ARHGAP24: variants seen among roughly 807,000 people sequenced by gnomAD.
The protein encoded by ARHGAP24 is rho GTPase-activating protein 24.
A neutral mutation model predicts 76.4 loss-of-function variants in ARHGAP24; 50 were observed. The ratio of observed to expected loss-of-function variants is 0.65; its 90% CI spans 0.52 to 0.83. The LOEUF (loss-of-function observed/expected upper bound fraction) is 0.83. Ranked by LOEUF, ARHGAP24 falls within the 40% of genes least tolerant of loss-of-function variation. The pLI is 0.00. For missense variants in ARHGAP24, 930 were observed against 914.2 expected, an observed-to-expected ratio of 1.02 and a Z score of -0.22; for synonymous variants, 345 against 323.3, an observed-to-expected ratio of 1.07 and a Z score of -0.72.
At chr4:85,889,792 C>T (rs1271693323) in intron 3 of ARHGAP24, among the ~76,000 whole-genome samples, 1 of 152,150 alleles carries the variant, frequency 6.6e-6, no homozygotes, top group Non-Finnish European at 1.5e-5. Flanking sequence ...CTATCATTTA[C>T]AGCTGATAGT....
intron 1 of ARHGAP24, among the ~76,000 whole-genome samples, chr4:85,510,891 G>A (rs942922791): frequency 1.4e-5 from 2 of 147,166 alleles, no homozygotes; most frequent in African/African-American, 5.0e-5. Context: ...TTGGAAAGGA[G>A]AACCCATGCC....
chr4:85,930,026 C>A (rs1311987613), intron 4 of ARHGAP24, among the ~76,000 whole-genome samples: 1 of 152,184 alleles, frequency 6.6e-6, no homozygotes, highest in East Asian at 1.9e-4. Flanking sequence ...GGCATTCTCC[C>A]TCCTCCCCTC....
intron 2 of ARHGAP24, among the ~76,000 whole-genome samples, chr4:85,591,031 G>GTTTTTTTTTTTTTTTTTTTTTTTTT (rs35373441): frequency 1.6e-5 from 1 of 62,608 alleles, no homozygotes; most frequent in African/African-American, 6.8e-5. Flanking sequence ...AATCTGCTGG[G>GTTTTTTTTTTTTTTTTTTTTTTTTT]TTTTTTTTTT....
At chr4:85,723,918 G>A (rs1725056394) in intron 3 of ARHGAP24, among the ~76,000 whole-genome samples, 1 of 152,082 alleles carries the variant, frequency 6.6e-6, no homozygotes, top group African/African-American at 2.4e-5. Context: ...TTGCATTATT[G>A]GGGTTATTTA....
At chr4:85,622,494 C>T (rs1437894559) in intron 2 of ARHGAP24, among the ~76,000 whole-genome samples, 1 of 151,894 alleles carries the variant, frequency 6.6e-6, no homozygotes, top group Non-Finnish European at 1.5e-5. Context: ...TCCAGTCTAT[C>T]GTTGTTGGAC....
chr4:85,719,015 C>A (rs887725340), intron 2 of ARHGAP24, among the ~76,000 whole-genome samples: 1 of 152,174 alleles, frequency 6.6e-6, no homozygotes, highest in Non-Finnish European at 1.5e-5. Flanking sequence ...CATACACACA[C>A]AAATACACAT....
chr4:85,506,907 C>CT (rs1560512766), intron 1 of ARHGAP24, among the ~76,000 whole-genome samples: 1 of 151,580 alleles, frequency 6.6e-6, no homozygotes, highest in African/African-American at 2.4e-5. Context: ...TTTTTCCCCC[C>CT]ATGTGGAACT....
At chr4:85,485,657 G>A (rs1267553083) in intron 1 of ARHGAP24, among the ~76,000 whole-genome samples, 2 of 151,432 alleles carry the variant, frequency 1.3e-5, no homozygotes, top group African/African-American at 2.4e-5. Context: ...TAAAATAAGA[G>A]GGCTAGAGTA....
Position 85,995,224 on chromosome 4 carries a change from G to C in ARHGAP24, c.1570G>C (p.Gly524Arg). 6.2e-7 allele frequency: 1 copy of C among 1,614,000 alleles called. No individual in the cohort carries two copies. Among genetic ancestry groups the C allele is most frequent in the Non-Finnish European group, 8.5e-7 (1 of 1,180,024 alleles). The stretch of plus-strand genomic sequence containing the variant: ...GCAGAAAGAACAAGCTGGAGAGTTA[G>C]GCCAGCACAACAGACTGTCCACCTA... The part of the protein sequence containing the change: ...NKQKEQAGEL[G>R]QHNRLSTYDN... The change falls in exon 9 of 10, where the codon GGC becomes CGC. Residue 524 changes from glycine (G) to arginine (R), a missense_variant. Transcript: ENST00000395184.
intron 1 of ARHGAP24, among the ~76,000 whole-genome samples, chr4:85,553,664 A>C (rs1472490335): frequency 6.6e-6 from 1 of 152,186 alleles, no homozygotes; most frequent in Non-Finnish European, 1.5e-5. Context: ...AAAGTGGTCC[A>C]AGTCCCCAGC....
intron 3 of ARHGAP24, among the ~76,000 whole-genome samples, chr4:85,776,961 G>C (rs1319565973): frequency 6.6e-6 from 1 of 152,168 alleles, no homozygotes; most frequent in Non-Finnish European, 1.5e-5. Context: ...ATGTATCAAT[G>C]TGTCCAACTC....
chr4:85,947,199 CTTGT>C (rs910940388), intron 5 of ARHGAP24, among the ~76,000 whole-genome samples: 5 of 151,830 alleles, frequency 3.3e-5, no homozygotes, highest in Admixed American at 6.6e-5. Flanking sequence ...TGCTTGTTGA[CTTGT>C]TTAAGTTCCT....
chr4:85,536,183 C>T (rs928057061), intron 1 of ARHGAP24, among the ~76,000 whole-genome samples: 3 of 151,666 alleles, frequency 2.0e-5, no homozygotes, highest in African/African-American at 7.3e-5. Flanking sequence ...AACCTAGGAT[C>T]AACTTACATG....
chr4:85,975,062 C>A, intron 7 of ARHGAP24, 101 bp downstream of exon 7: 1 of 1,048,890 alleles, frequency 9.5e-7, no homozygotes, highest in Non-Finnish European at 1.5e-6. Context: ...CTACTTCGAG[C>A]CCTAGTGTTG....
intron 3 of ARHGAP24, among the ~76,000 whole-genome samples, chr4:85,822,733 T>G (rs190031221): frequency 6.6e-6 from 1 of 152,342 alleles, no homozygotes; most frequent in Non-Finnish European, 1.5e-5. Context: ...TTCATGAATG[T>G]ATTATGCTCT....
chr4:85,615,576 GT>G (rs1720515335), intron 2 of ARHGAP24, among the ~76,000 whole-genome samples: 1 of 152,104 alleles, frequency 6.6e-6, no homozygotes, highest in Admixed American at 6.6e-5. Flanking sequence ...GACATGTATG[GT>G]AGCTCATATA....
At chr4:85,660,794 CA>C (rs34228407) in intron 2 of ARHGAP24, among the ~76,000 whole-genome samples, 21 of 59,428 alleles carry the variant, frequency 3.5e-4, no homozygotes, top group Non-Finnish European at 5.6e-4. Context: ...GACTCCGTCT[CA>C]AAAAAAAAAA....
chr4:85,576,425 A>G (rs1209092581), intron 2 of ARHGAP24, among the ~76,000 whole-genome samples: 2 of 150,864 alleles, frequency 1.3e-5, no homozygotes, highest in Admixed American at 6.6e-5. Flanking sequence ...GCGAGACTCC[A>G]TCTCAAAAAA....
chr4:85,972,125 A>G lies in ARHGAP24; in HGVS notation c.689A>G (p.Asp230Gly). 1 of 1,613,838 alleles carries G rather than the reference A, an allele frequency of 6.2e-7. No homozygotes were observed. Among genetic ancestry groups the G allele is most frequent in the Non-Finnish European group, 8.5e-7 (1 of 1,179,964 alleles). ...GTTATTCCTTATGCGAAGTATGAAGATTTTTTGTCATGTGCCAAACTGCTC... is the reference window on the plus strand; with the variant it reads ...GTTATTCCTTATGCGAAGTATGAAGGTTTTTTGTCATGTGCCAAACTGCTC... Reference protein sequence around the residue: ...EPVIPYAKYEDFLSCAKLLSK... With the variant: ...EPVIPYAKYEGFLSCAKLLSK... Residue 230 changes from aspartate (D) to glycine (G), a missense_variant, in exon 6 of 10, where the codon GAT (aspartate) becomes GGT (glycine). Physicochemically the swap from Asp to Gly is moderately conservative, Grantham distance 94. Transcript: ENST00000395184.
Sources: allele counts gnomAD v4.1 joint callset (sites outside exome capture counted in the v4.1 genomes callset), GRCh38; gene constraint gnomAD v4.1.1; transcripts MANE v1.5; gene names NCBI Gene and HGNC (gene_info 2026-07-23, HGNC 2026-07-21).